Variants in CDH18 observed in about 807,000 individuals in gnomAD.
CDH18 encodes the protein cadherin 18.
CDH18 carries 31 observed loss-of-function variants against 67.9 expected under a neutral mutation model. The ratio of observed to expected loss-of-function variants is 0.46; its 90% CI spans 0.34 to 0.62. The LOEUF is 0.62. CDH18 is among the 20% of genes least tolerant of loss of function. The pLI is 0.01. For missense variants in CDH18, 890 were observed against 975.5 expected (o/e 0.91, Z 1.17); for synonymous variants, 362 against 347.2 (o/e 1.04, Z -0.48).
chr5:19,726,933 C>T (rs1315507220), intron 4 of CDH18, among the ~76,000 whole-genome samples: 2 of 152,094 alleles, frequency 1.3e-5, no homozygotes, highest in Admixed American at 6.6e-5. Flanking sequence ...TTCCTCATTC[C>T]TTCTGCCATA....
intron 7 of CDH18, among the ~76,000 whole-genome samples, chr5:19,585,721 GT>G (rs1744037586): frequency 6.6e-6 from 1 of 152,042 alleles, no homozygotes; most frequent in Non-Finnish European, 1.5e-5. Flanking sequence ...TGTGTTCTTG[GT>G]TTATTTGCTT....
In CDH18 at chr5:20,428,322, C is replaced by T. The variant is rs756874530; in HGVS notation, c.-580+147140G>A. Among the ~76,000 whole-genome samples the T allele has an allele frequency of 9.0e-5, 13 of 144,642 alleles. 1 individual carries two copies. Among genetic ancestry groups the T allele is most frequent in the East Asian group, 7.7e-4 (4 of 5,184 alleles). The allele number at this position is 144,642 out of a possible 152,430, so 94.9% of individuals were successfully genotyped here. On this transcript the variant is annotated intron_variant, in intron 1 of 14. Transcript: ENST00000507958. ...AGTATTCCATGGTGTATATGTGCCACGTTTTCTTTATCCAGTCTATCATTG... is the reference window on the plus strand; with the variant it reads ...AGTATTCCATGGTGTATATGTGCCATGTTTTCTTTATCCAGTCTATCATTG...
chr5:20,410,705 T>C lies in CDH18; in HGVS notation c.-579-155200A>G, dbSNP rs553796835. Among the ~76,000 whole-genome samples, 8 of 151,770 alleles carry C rather than the reference T, an allele frequency of 5.3e-5. No individual in the cohort carries two copies. The East Asian group carries it at 5.8e-4, about 11-fold the overall frequency. ...AGGCATCCAAATTAGAAAAAAAATATATAAAATTTTCTTTGTAGGCAAATG... is the reference window on the plus strand; with the variant it reads ...AGGCATCCAAATTAGAAAAAAAATACATAAAATTTTCTTTGTAGGCAAATG... On this transcript the variant is annotated intron_variant, in intron 1 of 14. Coordinates refer to the CDH18 transcript ENST00000507958.
At chr5:20,463,947 G>A (rs1751455699) in intron 1 of CDH18, among the ~76,000 whole-genome samples, 1 of 152,100 alleles carries the variant, frequency 6.6e-6, no homozygotes, top group Admixed American at 6.6e-5. Flanking sequence ...AAATATGAGT[G>A]AATCAGAGAA....
intron 5 of CDH18, among the ~76,000 whole-genome samples, chr5:19,613,069 C>A (rs1293507676): frequency 1.3e-5 from 2 of 152,064 alleles, no homozygotes; most frequent in Non-Finnish European, 2.9e-5. Context: ...CGCTTGAACC[C>A]AGAAGACGGA....
chr5:20,393,684 C>A (rs1580895152), intron 1 of CDH18, among the ~76,000 whole-genome samples: 2 of 152,060 alleles, frequency 1.3e-5, no homozygotes, highest in Admixed American at 1.3e-4. Flanking sequence ...TCTCAGGTTA[C>A]AAAATCAATG....
intron 4 of CDH18, among the ~76,000 whole-genome samples, chr5:19,733,919 C>T (rs1175556619): frequency 6.6e-6 from 1 of 152,298 alleles, no homozygotes; most frequent in South Asian, 2.1e-4. Context: ...ATGCTCAAAG[C>T]AGTTGGCCAG....
chr5:20,546,694 T>C (rs1301711962), intron 1 of CDH18, among the ~76,000 whole-genome samples: 2 of 151,728 alleles, frequency 1.3e-5, no homozygotes, highest in African/African-American at 4.8e-5. Context: ...GGGATTACAA[T>C]TCAAGATGAG....
At chr5:19,681,248 G>A (rs192091783) in intron 5 of CDH18, among the ~76,000 whole-genome samples, 13 of 151,968 alleles carry the variant, frequency 8.6e-5, no homozygotes, top group Admixed American at 5.3e-4. Flanking sequence ...AGCGCAAGGT[G>A]GGAGTAGACA....
At chr5:19,961,707 T>C (rs1261305746) in intron 2 of CDH18, among the ~76,000 whole-genome samples, 1 of 152,126 alleles carries the variant, frequency 6.6e-6, no homozygotes, top group Non-Finnish European at 1.5e-5. Context: ...ATTTTGTCTG[T>C]TGCCTGTTGT....
rs1491460573 is a variant in CDH18, at chr5:20,443,207, C to CTCAAAAAAAAAAAAA, written c.-580+132254_-580+132255insTTTTTTTTTTTTTGA. On this transcript the variant is annotated intron_variant, in intron 1 of 14. Coordinates refer to the CDH18 transcript ENST00000507958. ...CCTGGGTGATAGAGCGAGACTCCGT[C>CTCAAAAAAAAAAAAA]ACAAAAAAAAAAAAAAAAAAAAAAG... 2.9e-3 allele frequency among the ~76,000 whole-genome samples: 73 copies of CTCAAAAAAAAAAAAA among 25,374 alleles called. 9 individuals carry two copies. The highest frequency in any genetic ancestry group is 7.6e-3 in the African/African-American group (53 of 6,976). The allele number at this position is 25,374 out of a possible 152,430, so 16.6% of individuals were successfully genotyped here.
intron 5 of CDH18, among the ~76,000 whole-genome samples, chr5:19,639,153 C>T (rs1199701494): frequency 6.6e-6 from 1 of 151,918 alleles, no homozygotes; most frequent in East Asian, 1.9e-4. Flanking sequence ...CAGGCACCCG[C>T]CACCATGCCT....
intron 2 of CDH18, among the ~76,000 whole-genome samples, chr5:20,079,841 GT>G (rs1024726113): frequency 1.3e-5 from 2 of 152,050 alleles, no homozygotes; most frequent in African/African-American, 4.8e-5. Flanking sequence ...AGCAGATCTC[GT>G]GTCTGATGAG....
Position 19,957,433 on chromosome 5 carries a change from G to GTATGTGTTA in CDH18, c.-257+23626_-257+23627insTAACACATA, listed in dbSNP as rs1796358124. Among the ~76,000 whole-genome samples the GTATGTGTTA allele has an allele frequency of 2.0e-5, 3 of 151,706 alleles. No homozygotes were observed. In the South Asian group the frequency reaches 6.2e-4, roughly 31 times the overall value. On this transcript the variant is annotated intron_variant, in intron 2 of 12. Coordinates refer to ENST00000382275, the MANE Select transcript of CDH18 (RefSeq NM_004934.5). ...CTCTATGTGTTATGTATATCTGTGT[G>GTATGTGTTA]TGTATATGTGTTAGGTACATATAAG... is the stretch of plus-strand genomic sequence containing the variant.
chr5:20,458,386 G>A (rs1258901061), intron 1 of CDH18, among the ~76,000 whole-genome samples: 1 of 152,188 alleles, frequency 6.6e-6, no homozygotes, highest in Non-Finnish European at 1.5e-5. Flanking sequence ...GGGAGGTTGA[G>A]GCAGGCAGAT....
intron 12 of CDH18, among the ~76,000 whole-genome samples, chr5:19,474,808 C>T (rs1288696885): frequency 1.3e-5 from 2 of 152,050 alleles, no homozygotes; most frequent in Non-Finnish European, 2.9e-5. Flanking sequence ...GTCTTTATTT[C>T]CAATAATGCT....
chr5:19,680,818 T>C (rs1259777200), intron 5 of CDH18, among the ~76,000 whole-genome samples: 1 of 152,024 alleles, frequency 6.6e-6, no homozygotes, highest in Admixed American at 6.6e-5. Context: ...CTGCTGGGAA[T>C]GTGAATTAGT....
At chr5:20,316,725 A>G (rs539399946) in intron 1 of CDH18, among the ~76,000 whole-genome samples, 11 of 152,140 alleles carry the variant, frequency 7.2e-5, no homozygotes, top group Admixed American at 2.6e-4. Flanking sequence ...AGACAGTTAT[A>G]GAAGGGGAAA....
At chr5:19,760,800 G>A (rs60287682) in intron 3 of CDH18, among the ~76,000 whole-genome samples, 9,601 of 152,170 alleles carry the variant, frequency 0.063, 991 homozygotes, top group African/African-American at 0.22. Context: ...TGGCTCCTGA[G>A]GATGATCAAC....
Sources: allele counts gnomAD v4.1 joint callset (sites outside exome capture counted in the v4.1 genomes callset), GRCh38; gene constraint gnomAD v4.1.1; transcripts MANE v1.5; gene names NCBI Gene and HGNC (gene_info 2026-07-23, HGNC 2026-07-21).